PTCSC3: variants seen among roughly 807,000 people sequenced by gnomAD.
PTCSC3 encodes the protein papillary thyroid carcinoma susceptibility candidate 3 (non-protein coding).
intron 2 of PTCSC3, among the ~76,000 whole-genome samples, chr14:36,157,032 A>T (rs1881844804): frequency 6.6e-6 from 1 of 152,288 alleles, no homozygotes; most frequent in East Asian, 1.9e-4. Flanking sequence ...TCCCACCAAC[A>T]GTGTAAAAGC....
intron 1 of PTCSC3, among the ~76,000 whole-genome samples, chr14:36,168,838 C>T (rs1053801997): frequency 2.0e-5 from 3 of 152,116 alleles, no homozygotes; most frequent in African/African-American, 7.2e-5. Flanking sequence ...CCAAGTTGGT[C>T]TCAAACTCCT....
chr14:36,176,619 A>G (rs890210302), upstream of PTCSC3, among the ~76,000 whole-genome samples: 1 of 151,980 alleles, frequency 6.6e-6, no homozygotes, highest in East Asian at 1.9e-4. Context: ...AAAACTTGAG[A>G]TGTCTTGAGT....
chr14:36,149,489 A>T (rs139559155), intron 3 of PTCSC3, among the ~76,000 whole-genome samples: 1 of 152,314 alleles, frequency 6.6e-6, no homozygotes, highest in African/African-American at 2.4e-5. Context: ...TGTCAATTAA[A>T]TCCAGTTGAC....
At chr14:36,146,727 C>A (rs1386828666) in intron 3 of PTCSC3, among the ~76,000 whole-genome samples, 1 of 151,870 alleles carries the variant, frequency 6.6e-6, no homozygotes, top group Non-Finnish European at 1.5e-5. Flanking sequence ...GGTTACTTTG[C>A]TCGTTAGTTG....
chr14:36,163,561 A>G (rs1882019972), intron 1 of PTCSC3, among the ~76,000 whole-genome samples: 1 of 152,236 alleles, frequency 6.6e-6, no homozygotes, highest in Non-Finnish European at 1.5e-5. Flanking sequence ...TAACTTCCAG[A>G]GGTCAGGACC....
At chr14:36,145,978 A>G (rs1221053959) in intron 3 of PTCSC3, among the ~76,000 whole-genome samples, 3 of 151,938 alleles carry the variant, frequency 2.0e-5, no homozygotes, top group Admixed American at 6.6e-5. Flanking sequence ...GGTTTTGAGT[A>G]AGATTCTTAA....
At chr14:36,154,128 T>A (rs1347649032) in intron 2 of PTCSC3, among the ~76,000 whole-genome samples, 1 of 150,034 alleles carries the variant, frequency 6.7e-6, no homozygotes, top group Middle Eastern at 3.2e-3. Context: ...AAAGAAAACA[T>A]GTTGTATGAT....
chr14:36,136,738 A>G (rs887873145), intron 3 of PTCSC3, among the ~76,000 whole-genome samples: 3 of 152,244 alleles, frequency 2.0e-5, no homozygotes, highest in South Asian at 2.1e-4. Flanking sequence ...TGCAAATAAG[A>G]TATCATCAAA....
At chr14:36,159,234 G>GTA (rs1881899563) in intron 2 of PTCSC3, among the ~76,000 whole-genome samples, 1 of 64,660 alleles carries the variant, frequency 1.5e-5, no homozygotes, top group African/African-American at 4.5e-5. Context: ...TTTTTTTTGC[G>GTA]TCTTTATTTC....
chr14:36,175,095 T>C (rs1381956633), intron 1 of PTCSC3, among the ~76,000 whole-genome samples: 1 of 152,172 alleles, frequency 6.6e-6, no homozygotes, highest in Non-Finnish European at 1.5e-5. Context: ...TCTCTCTACA[T>C]AGCTCCCTCC....
chr14:36,162,736 G>T (rs554723482), intron 1 of PTCSC3: 3 of 152,330 alleles, frequency 2.0e-5, no homozygotes, highest in East Asian at 3.9e-4. Context: ...AGATTACCTT[G>T]TAGTTTTGTG....
chr14:36,149,541 T>A (rs1461280882), intron 3 of PTCSC3, among the ~76,000 whole-genome samples: 1 of 152,218 alleles, frequency 6.6e-6, no homozygotes, highest in African/African-American at 2.4e-5. Flanking sequence ...ACACTGATTT[T>A]CTGCTTGCTG....
chr14:36,147,883 C>G (rs1308099589), intron 3 of PTCSC3, among the ~76,000 whole-genome samples: 5 of 151,952 alleles, frequency 3.3e-5, no homozygotes, highest in African/African-American at 1.2e-4. Context: ...TTCTAACAGA[C>G]AGGACCCTCA....
intron 3 of PTCSC3, among the ~76,000 whole-genome samples, chr14:36,150,778 T>A (rs117588649): frequency 0.017 from 2,638 of 152,310 alleles, 94 homozygotes; most frequent in Admixed American, 0.082. Flanking sequence ...TGTAGCTTCA[T>A]GGGAAGTGCA....
intron 3 of PTCSC3, among the ~76,000 whole-genome samples, chr14:36,141,645 G>C (rs4981324): frequency 0.49 from 73,617 of 151,746 alleles, 19,090 homozygotes; most frequent in Non-Finnish European, 0.59. Context: ...GAGCCACTGT[G>C]CCTGGCCAGA....
At chr14:36,147,732 G>A (rs964368994) in intron 3 of PTCSC3, among the ~76,000 whole-genome samples, 2 of 152,042 alleles carry the variant, frequency 1.3e-5, no homozygotes, top group Non-Finnish European at 2.9e-5. Flanking sequence ...GAGGAGGAGA[G>A]GCGCTCTGCT....
At chr14:36,156,062 T>C (rs888686527) in intron 2 of PTCSC3, among the ~76,000 whole-genome samples, 1 of 152,210 alleles carries the variant, frequency 6.6e-6, no homozygotes, top group Non-Finnish European at 1.5e-5. Context: ...CTTGAATGTG[T>C]TCTGTAAAAT....
At chr14:36,143,267 C>T (rs1303181990) in intron 3 of PTCSC3, among the ~76,000 whole-genome samples, 1 of 141,672 alleles carries the variant, frequency 7.1e-6, no homozygotes, top group African/African-American at 2.7e-5. Context: ...AGTTTACAGT[C>T]CCACCAACAG....
intron 2 of PTCSC3, among the ~76,000 whole-genome samples, chr14:36,156,901 T>C (rs1205072307): frequency 6.6e-6 from 1 of 152,222 alleles, no homozygotes; most frequent in Non-Finnish European, 1.5e-5. Flanking sequence ...TATAGTAGAA[T>C]GATTTATAAT....
Sources: allele counts gnomAD v4.1 joint callset (sites outside exome capture counted in the v4.1 genomes callset), GRCh38; gene constraint gnomAD v4.1.1; transcripts MANE v1.5; gene names NCBI Gene and HGNC (gene_info 2026-07-23, HGNC 2026-07-21).